Variants in PERM1 observed in about 807,000 individuals in gnomAD.
The protein encoded by PERM1 is PPARGC1 and ESRR induced regulator, muscle 1, also known as PGC-1 and ERR-induced regulator in muscle protein 1.
PERM1 carries 45 observed loss-of-function variants against 44.1 expected under a neutral mutation model. The ratio of observed to expected loss-of-function variants is 1.02; its 90% CI spans 0.80 to 1.31. PERM1 has a LOEUF of 1.31. Among genes scored for constraint, PERM1 ranks in the 50% most tolerant of loss-of-function variants. The pLI, the probability that PERM1 is intolerant of heterozygous loss-of-function variation, is 0.00. For synonymous variants in PERM1, 565 were observed against 477.1 expected (o/e 1.18, Z -2.40); for missense variants, 1,189 against 1,106.9 (o/e 1.07, Z -1.05).
exon 1 of PERM1, chr1:980,456 C>G (rs908010996): frequency 1.3e-6 from 2 of 1,537,304 alleles, no homozygotes; most frequent in Non-Finnish European, 1.8e-6. Context: ...TGCCCACCCC[C>G]CTTGGCACCC....
Position 976,144 on chromosome 1 carries a change from C to T in PERM1, c.*28G>A, listed in dbSNP as rs752147263. ...GGGCGCCTGTGGTCGTCTCCTCATC[C>T]TGCATCTCCCTGGCCCGGGCCTGGC... On this transcript the variant is annotated 3_prime_UTR_variant, in exon 3 of 3. Coordinates refer to ENST00000433179, the Ensembl canonical transcript of PERM1. 7 of 1,544,076 alleles carry T rather than the reference C, an allele frequency of 4.5e-6. No individual in the cohort carries two copies. In the South Asian group the frequency reaches 7.2e-5, roughly 16 times the overall value.
In PERM1 at chr1:976,642, C is replaced by A; in HGVS notation, c.2150-18G>T. Reference sequence around the variant, plus strand: ...GAGCTCCCCTAGGACAGAAGCTCACCTTCAGCCCCACGGCTGCACTCAGAG... The same window carrying A: ...GAGCTCCCCTAGGACAGAAGCTCACATTCAGCCCCACGGCTGCACTCAGAG... On this transcript the variant is annotated intron_variant, in intron 1 of 2. Coordinates refer to ENST00000433179, the Ensembl canonical transcript of PERM1. 6.5e-7 allele frequency: 1 copy of A among 1,548,872 alleles called. No homozygotes were observed. The highest frequency in any genetic ancestry group is 8.7e-7 in the Non-Finnish European group (1 of 1,146,056).
chr1:979,024 C>T, exon 1 of PERM1: 4 of 1,538,288 alleles, frequency 2.6e-6, no homozygotes, highest in South Asian at 2.4e-5. Context: ...GCCCTCAAGC[C>T]TGTCCTCCCC....
upstream of PERM1, among the ~76,000 whole-genome samples, chr1:981,506 G>T (rs1177351088): frequency 1.3e-5 from 2 of 152,230 alleles, no homozygotes; most frequent in African/African-American, 2.4e-5. Flanking sequence ...GCCCTCGGGG[G>T]TGGGCAGCCC....
upstream of PERM1, chr1:982,008 G>GGGGTT: frequency 7.9e-7 from 1 of 1,264,722 alleles, no homozygotes; most frequent in Non-Finnish European, 1.0e-6. Context: ...AGCCTCTGTG[G>GGGGTT]GGGTTGTTAC....
chr1:979,644 G>C, exon 1 of PERM1: 13 of 1,550,270 alleles, frequency 8.4e-6, no homozygotes, highest in Non-Finnish European at 1.1e-5. Flanking sequence ...CAGCTCTGCG[G>C]GTGGGAGGCC....
chr1:981,119 G>C (rs74357301), upstream of PERM1: 1 of 1,548,992 alleles, frequency 6.5e-7, no homozygotes, highest in South Asian at 1.2e-5. Flanking sequence ...TGCACATGCC[G>C]CCCCTGCCCC....
exon 3 of PERM1, chr1:976,148 A>T (rs1643593435): frequency 1.9e-6 from 3 of 1,544,246 alleles, no homozygotes; most frequent in African/African-American, 1.4e-5. Context: ...CTCATCCTGC[A>T]TCTCCCTGGC....
rs564850458 is a variant in PERM1, at chr1:979,434, A to G, written c.1596T>C (p.Thr532=). 3.4e-3 allele frequency: 5,283 copies of G among 1,534,876 alleles called. 195 individuals carry two copies. The Admixed American group carries it at 0.075, about 22-fold the overall frequency. Residue 532 remains threonine, a synonymous_variant, in exon 1 of 3, where the codon ACT becomes ACC. Transcript: ENST00000433179. ...AGGCTCCGGGCCCCCCGTGGGCCCC[A>G]GTTGCTGTCTGGGGGGCTGAGGGCC...
At chr1:980,538 A>T in exon 1 of PERM1, 1 of 1,468,020 alleles carries the variant, frequency 6.8e-7, no homozygotes, top group Non-Finnish European at 9.0e-7. Context: ...TCTGGGAGCC[A>T]GTGCTGTGGC....
chr1:982,008 G>A (rs1364953554), upstream of PERM1: 27 of 1,264,604 alleles, frequency 2.1e-5, no homozygotes, highest in Admixed American at 1.2e-4. Flanking sequence ...AGCCTCTGTG[G>A]GGGTTGTTAC....
intron 1 of PERM1, among the ~76,000 whole-genome samples, chr1:978,295 GCTGGACACGTCTACC>G (rs1024372874): frequency 1.3e-5 from 2 of 148,862 alleles, no homozygotes; most frequent in Non-Finnish European, 3.0e-5. Context: ...ATACATTTGT[GCTGGACACGTCTACC>G]CTGGACACGT....
rs546960804 is a variant in PERM1 at position 979,288 on chromosome 1, G to A, written c.1742C>T (p.Pro581Leu). The A allele has an allele frequency of 7.4e-5, 114 of 1,547,976 alleles. 1 individual carries two copies. The African/African-American group carries it at 7.8e-4, about 11-fold the overall frequency. Residue 581 changes from proline to leucine, a missense_variant, in exon 1 of 3, where the codon CCG becomes CTG. By Grantham distance (98) the Pro-to-Leu change is moderately conservative (BLOSUM62 -3). Around this residue, in one of 3 missense-constraint regions of PERM1, gnomAD observed 900 missense variants for 760.4 expected, o/e 1.18. Coordinates refer to ENST00000433179, the Ensembl canonical transcript of PERM1. ...ACAGAAGAAGAACTCGTAGGCCTCCGGGAGGGTCACGGCAAAGCTGCTCCC... is the reference window on the plus strand; with the variant it reads ...ACAGAAGAAGAACTCGTAGGCCTCCAGGAGGGTCACGGCAAAGCTGCTCCC...
At chr1:975,898 T>G (rs1353080397) in exon 3 of PERM1, 4 of 474,930 alleles carry the variant, frequency 8.4e-6, no homozygotes, top group African/African-American at 8.1e-5. Context: ...ATGCCCTGTG[T>G]TCTCATCTGT....
chr1:980,163 T>G (rs114358412), exon 1 of PERM1: 1 of 1,550,434 alleles, frequency 6.4e-7, no homozygotes, highest in East Asian at 2.4e-5. Context: ...TTGAGACATC[T>G]GGGAGGGCTT....
At chr1:979,342 G>T in exon 1 of PERM1, 1 of 1,520,172 alleles carries the variant, frequency 6.6e-7, no homozygotes, top group Non-Finnish European at 8.8e-7. Flanking sequence ...GGCAGAGGGA[G>T]GGGGGCGAGG....
chr1:980,790 G>C (rs1010722588), exon 1 of PERM1: 1 of 1,399,858 alleles, frequency 7.1e-7, no homozygotes, highest in Non-Finnish European at 9.2e-7. Flanking sequence ...GCTGCTGTGT[G>C]GCCACGTCCT....
rs143775054 is a variant in PERM1, at chr1:980,212, C to T, written c.818G>A (p.Arg273His). The T allele has an allele frequency of 5.5e-5, 86 of 1,550,376 alleles. No individual in the cohort carries two copies. The African/African-American group carries it at 9.3e-4, about 17-fold the overall frequency. ...GGACACTGTGTGCAGCTTGGCTCGG[C>T]GCGGGGTTCTGATTTGGTCTGTGCC... Residue 273 changes from arginine (R) to histidine (H), a missense_variant, in exon 1 of 3, where the codon CGC (arginine) becomes CAC (histidine). This residue lies in a region of PERM1 where 900 missense variants were observed against 760.4 expected (regional missense o/e 1.18). Transcript: ENST00000433179.
chr1:978,284 G>A (rs912983566), intron 1 of PERM1, among the ~76,000 whole-genome samples: 1 of 149,324 alleles, frequency 6.7e-6, no homozygotes, highest in Admixed American at 6.6e-5. Context: ...TCTGTCCTAA[G>A]ATACATTTGT....
Sources: allele counts gnomAD v4.1 joint callset (sites outside exome capture counted in the v4.1 genomes callset), GRCh38; gene constraint gnomAD v4.1.1; regional missense constraint gnomAD v4.1.1; transcripts MANE v1.5; gene names NCBI Gene and HGNC (gene_info 2026-07-23, HGNC 2026-07-21).